PTPRM: variants seen among roughly 807,000 people sequenced by gnomAD.
The protein encoded by PTPRM is protein tyrosine phosphatase receptor type M, also known as receptor-type tyrosine-protein phosphatase mu.
In PTPRM, 47 loss-of-function variants were observed where a neutral mutation model predicts 186.7. The ratio of observed to expected loss-of-function variants is 0.25; its 90% confidence interval spans 0.20 to 0.32. PTPRM has a LOEUF of 0.32. PTPRM is among the 10% of genes least tolerant of loss of function. PTPRM has a pLI of 1.00. For missense variants in PTPRM, 1,494 were observed against 1,865.0 expected (o/e 0.80, Z 3.66); for synonymous variants, 668 against 674.9 (o/e 0.99, Z 0.16).
At chr18:7,643,118 T>C (rs758631128) in intron 1 of PTPRM, among the ~76,000 whole-genome samples, 7 of 152,096 alleles carry the variant, frequency 4.6e-5, no homozygotes, top group Non-Finnish European at 7.4e-5. Flanking sequence ...TAAGATTCTT[T>C]TGTGAAACCA....
intron 1 of PTPRM, among the ~76,000 whole-genome samples, chr18:7,714,340 C>T (rs550948061): frequency 2.6e-5 from 4 of 152,166 alleles, no homozygotes; most frequent in African/African-American, 9.6e-5. Flanking sequence ...ACACAATGTA[C>T]CAGAATATCT....
intron 24 of PTPRM, among the ~76,000 whole-genome samples, chr18:8,375,550 G>A (rs60756069): frequency 0.055 from 8,421 of 152,270 alleles, 443 homozygotes; most frequent in African/African-American, 0.14. Flanking sequence ...ATCTGAGCAT[G>A]CTCAGTGAGT....
At chr18:8,250,131 C>T (rs2094514149) in intron 17 of PTPRM, among the ~76,000 whole-genome samples, 1 of 152,138 alleles carries the variant, frequency 6.6e-6, no homozygotes, top group Non-Finnish European at 1.5e-5. Flanking sequence ...AATTCTCTGG[C>T]ACCTTCAGCT....
intron 1 of PTPRM, among the ~76,000 whole-genome samples, chr18:7,770,007 T>G (rs536495877): frequency 1.3e-5 from 2 of 152,106 alleles, no homozygotes; most frequent in South Asian, 4.2e-4. Flanking sequence ...TAGTCGTGAT[T>G]CCCCCCTGTG....
intron 13 of PTPRM, among the ~76,000 whole-genome samples, chr18:8,138,215 T>TCCCCC (rs11448532): frequency 6.7e-6 from 1 of 149,540 alleles, no homozygotes; most frequent in Non-Finnish European, 1.5e-5. Flanking sequence ...CTTTTTTTTT[T>TCCCCC]TCCCTCCTCT....
intron 32 of PTPRM, chr18:8,402,714 TTTGAAA>T (rs1216471192): frequency 2.0e-5 from 3 of 152,110 alleles, no homozygotes; most frequent in African/African-American, 7.2e-5. Context: ...CTTTTGGAAT[TTTGAAA>T]TTCCAATTAT....
chr18:7,805,686 G>T (rs1042364298), intron 2 of PTPRM, among the ~76,000 whole-genome samples: 3 of 152,026 alleles, frequency 2.0e-5, no homozygotes, highest in Non-Finnish European at 4.4e-5. Context: ...CAGAAGACAT[G>T]GTTTATACTT....
intron 2 of PTPRM, among the ~76,000 whole-genome samples, chr18:7,822,387 G>A (rs547938104): frequency 6.6e-6 from 1 of 152,332 alleles, no homozygotes; most frequent in South Asian, 2.1e-4. Context: ...GGCAACATTA[G>A]TGATAGAACT....
At chr18:8,145,453 C>T (rs558610342) in intron 14 of PTPRM, among the ~76,000 whole-genome samples, 1 of 152,290 alleles carries the variant, frequency 6.6e-6, no homozygotes, top group East Asian at 1.9e-4. Context: ...GGTATTTCTC[C>T]TAATGCTATC....
At chr18:8,371,057 A>T in intron 24 of PTPRM, 51 bp downstream of exon 24, 1 of 1,119,834 alleles carries the variant, frequency 8.9e-7, no homozygotes, top group Non-Finnish European at 1.3e-6. Context: ...TAGTGGTACC[A>T]TACTAGCCTC....
At chr18:8,278,943 G>T (rs947445560) in intron 19 of PTPRM, among the ~76,000 whole-genome samples, 1 of 152,126 alleles carries the variant, frequency 6.6e-6, no homozygotes, top group Admixed American at 6.5e-5. Context: ...GTCTCAAGAG[G>T]GGGAGGGATA....
chr18:7,704,572 G>T (rs1401749369), intron 1 of PTPRM, among the ~76,000 whole-genome samples: 1 of 151,846 alleles, frequency 6.6e-6, no homozygotes, highest in Non-Finnish European at 1.5e-5. Context: ...TTCTTTATTA[G>T]TCTGGCTAGT....
chr18:7,635,576 G>C (rs559004030), intron 1 of PTPRM, among the ~76,000 whole-genome samples: 20 of 152,026 alleles, frequency 1.3e-4, no homozygotes, highest in Non-Finnish European at 1.8e-4. Flanking sequence ...TAATATTGTA[G>C]ATAATTTTGT....
At chr18:7,898,917 C>T (rs1468658818) in intron 3 of PTPRM, among the ~76,000 whole-genome samples, 1 of 152,202 alleles carries the variant, frequency 6.6e-6, no homozygotes, top group Non-Finnish European at 1.5e-5. Context: ...GGGTTAGGTT[C>T]CTGTGAGCCT....
chr18:7,689,252 G>A (rs969877081), intron 1 of PTPRM, among the ~76,000 whole-genome samples: 3 of 152,210 alleles, frequency 2.0e-5, no homozygotes, highest in African/African-American at 4.8e-5. Flanking sequence ...ATGCAGAGAA[G>A]ATAAGTTAAA....
rs1402043654 is a variant in PTPRM at position 7,888,217 on chromosome 18, T to C, written c.308T>C (p.Val103Ala). 2 of 1,614,180 alleles carry C rather than the reference T, an allele frequency of 1.2e-6. No individual in the cohort carries two copies. The highest frequency in any genetic ancestry group is 2.2e-5 in the East Asian group (1 of 44,882). Residue 103 changes from valine to alanine, a missense_variant, in exon 3 of 33, where the codon GTG becomes GCG. Physicochemically the swap from Val to Ala is moderately conservative, Grantham distance 64. Around this residue, in one of 3 missense-constraint regions of PTPRM, gnomAD observed 296 missense variants for 345.5 expected, o/e 0.86. Coordinates refer to ENST00000580170, the MANE Select transcript of PTPRM (RefSeq NM_001105244.2). ...CACTGCATCGATTTTCACTATTTTG[T>C]GTCCAGCAAGAGTAATTCTCCTCCG... ...DTHCIDFHYF[V>A]SSKSNSPPGL...
At chr18:8,229,906 C>T (rs1162483824) in intron 14 of PTPRM, among the ~76,000 whole-genome samples, 1 of 152,206 alleles carries the variant, frequency 6.6e-6, no homozygotes, top group Non-Finnish European at 1.5e-5. Context: ...CTCTTTGCTT[C>T]TTTTGCTCTG....
chr18:7,804,652 T>C (rs1388277919), intron 2 of PTPRM, among the ~76,000 whole-genome samples: 2 of 152,206 alleles, frequency 1.3e-5, no homozygotes, highest in Admixed American at 1.3e-4. Context: ...TCATTTAAAA[T>C]CAGCACAAAG....
chr18:7,596,554 T>G (rs1414379166), intron 1 of PTPRM, among the ~76,000 whole-genome samples: 1 of 152,198 alleles, frequency 6.6e-6, no homozygotes, highest in East Asian at 1.9e-4. Flanking sequence ...TTATTATTAG[T>G]TGTTAATCTT....
Sources: gnomAD v4.1 joint callset for allele counts (sites outside exome capture counted in the v4.1 genomes callset) on GRCh38, gnomAD v4.1.1 for gene constraint, gnomAD v4.1.1 regional missense constraint, MANE v1.5 for transcripts, NCBI Gene and HGNC (gene_info 2026-07-23, HGNC 2026-07-21) for gene names.